The following SLCO4C1 variants were observed in gnomAD, a reference collection of about 807,000 sequenced individuals.
The protein encoded by SLCO4C1 is organic anion transporter M1.
Under a neutral mutation model 72.1 loss-of-function variants are expected in SLCO4C1, and 58 were observed. That is an observed-to-expected ratio of 0.80 (90% CI 0.65 to 1.00). The LOEUF is 1.00. Among genes scored for constraint, SLCO4C1 ranks in the 50% least tolerant of loss-of-function variants. SLCO4C1 has a pLI of 0.00. For synonymous variants in SLCO4C1, 297 were observed against 312.5 expected, an observed-to-expected ratio of 0.95 and a Z score of 0.52; for missense variants, 898 against 857.9, an observed-to-expected ratio of 1.05 and a Z score of -0.58.
chr5:102,288,970 T>C (rs1749503781), intron 2 of SLCO4C1, among the ~76,000 whole-genome samples: 1 of 152,222 alleles, frequency 6.6e-6, no homozygotes, highest in East Asian at 1.9e-4. Context: ...GTTTTACTGG[T>C]GTTATCTCAA....
At chr5:102,244,656 CA>C (rs1748605706) in intron 10 of SLCO4C1, among the ~76,000 whole-genome samples, 1 of 151,982 alleles carries the variant, frequency 6.6e-6, no homozygotes, top group Non-Finnish European at 1.5e-5. Context: ...AGAAAAGAAA[CA>C]AATAACATAC....
At chr5:102,282,815 G>A (rs1270724929) in intron 2 of SLCO4C1, among the ~76,000 whole-genome samples, 1 of 151,990 alleles carries the variant, frequency 6.6e-6, no homozygotes, top group African/African-American at 2.4e-5. Context: ...GTATGAATGT[G>A]TATATACATT....
chr5:102,277,537 C>T (rs1749268785), intron 2 of SLCO4C1, among the ~76,000 whole-genome samples: 1 of 152,102 alleles, frequency 6.6e-6, no homozygotes, highest in Non-Finnish European at 1.5e-5. Flanking sequence ...AGAAGAGTAG[C>T]AAGTCACTTC....
chr5:102,242,028 T>C (rs533974291), intron 10 of SLCO4C1, among the ~76,000 whole-genome samples: 34 of 152,166 alleles, frequency 2.2e-4, no homozygotes, highest in South Asian at 6.2e-4. Context: ...AGAGAATCTC[T>C]TGGGGTGGGG....
In SLCO4C1 at chr5:102,270,803, G is replaced by T; in HGVS notation, c.623C>A (p.Thr208Asn). 1 of 1,503,832 alleles carries T rather than the reference G, an allele frequency of 6.6e-7. No homozygotes were observed. Among genetic ancestry groups the T allele is most frequent in the South Asian group, 1.2e-5 (1 of 80,592 alleles). The allele number at this position is 1,503,832 out of a possible 1,614,324, so 93.2% of individuals were successfully genotyped here. A position where few individuals can be genotyped will look rare whatever the true frequency, so the allele number is the denominator to read the frequency against. ...GGTGCTATTCCTTGTTGTTACACAA[G>T]TGTCTTTGTGGAAAAAAAAATTGTG... is the stretch of plus-strand genomic sequence containing the variant. ...EYKLGSLFED[T>N]CVTTRNSTSC... Residue 208 changes from threonine to asparagine, a missense_variant, in exon 3 of 13, where the codon ACT (threonine) becomes AAT (asparagine). By Grantham distance (65) the Thr-to-Asn change is moderately conservative. Transcript: ENST00000310954.
At chr5:102,263,405 A>T (rs1748977147) in intron 4 of SLCO4C1, among the ~76,000 whole-genome samples, 1 of 152,118 alleles carries the variant, frequency 6.6e-6, no homozygotes, top group South Asian at 2.1e-4. Context: ...TGAACAATGC[A>T]TGGGGTCCTA....
rs183902431 is a variant in SLCO4C1 at position 102,293,117 on chromosome 5, A to G, written c.356-1511T>C. On this transcript the variant is annotated intron_variant, in intron 1 of 12. Coordinates refer to ENST00000310954, the MANE Select transcript of SLCO4C1 (RefSeq NM_180991.5). ...TTTAATAAGTTTCAAAACTCATGAC[A>G]TATTTTTTACTTTTATACCCATTTC... 3.3e-5 allele frequency among the ~76,000 whole-genome samples: 5 copies of G among 152,260 alleles called. No homozygotes were observed. The East Asian group carries it at 5.8e-4, about 18-fold the overall frequency.
Position 102,291,415 on chromosome 5 carries a change from C to CA in SLCO4C1, c.546dup (p.Gly183TrpfsTer18), listed in dbSNP as rs1401163727. ...AATGAGAATACAAGTGCTCCCAGTC[C>CA]AATCATAAAGGCTGCAAATGCAAGC... On this transcript the variant is annotated frameshift_variant, in exon 2 of 13. Coordinates refer to ENST00000310954, the MANE Select transcript of SLCO4C1 (RefSeq NM_180991.5). LOFTEE classifies it high-confidence loss of function. The CA allele has an allele frequency of 1.9e-6, 3 of 1,614,098 alleles. No homozygotes were observed. The highest frequency in any genetic ancestry group is 1.6e-4 in the Middle Eastern group (1 of 6,062).
At chr5:102,257,355 T>C (rs1267655855) in intron 7 of SLCO4C1, 45 bp from the exon 8 acceptor site, 5 of 1,394,134 alleles carry the variant, frequency 3.6e-6, no homozygotes, top group Non-Finnish European at 4.8e-6. Context: ...CATACACATA[T>C]ACTCACTCAT....
chr5:102,282,732 A>G (rs1228735061), intron 2 of SLCO4C1, among the ~76,000 whole-genome samples: 1 of 151,992 alleles, frequency 6.6e-6, no homozygotes, highest in African/African-American at 2.4e-5. Flanking sequence ...TGTTAATAAA[A>G]TTATGTGAGT....
At chr5:102,281,895 T>C (rs992736263) in intron 2 of SLCO4C1, among the ~76,000 whole-genome samples, 2 of 152,100 alleles carry the variant, frequency 1.3e-5, no homozygotes, top group Non-Finnish European at 2.9e-5. Flanking sequence ...CCAGCAGTTT[T>C]ACTCCTGGGC....
At position 102,291,099 on chromosome 5, in the gene SLCO4C1, C is replaced by T. The variant is rs543414038; in HGVS notation, c.619+244G>A. 5.3e-5 allele frequency among the ~76,000 whole-genome samples: 8 copies of T among 152,146 alleles called. No individual in the cohort carries two copies. The East Asian group carries it at 1.3e-3, about 26-fold the overall frequency. On this transcript the variant is annotated intron_variant, in intron 2 of 12. Coordinates refer to ENST00000310954, the MANE Select transcript of SLCO4C1 (RefSeq NM_180991.5). ...ACAAGTCATCTCTTCTTGAGGAGGA[C>T]TGTGTATAATATGGGGAATAAGAAT...
chr5:102,238,537 A>G (rs1748480767), intron 12 of SLCO4C1, among the ~76,000 whole-genome samples: 1 of 152,144 alleles, frequency 6.6e-6, no homozygotes. Flanking sequence ...ATAATAGCCT[A>G]TCTTGATCAA....
intron 1 of SLCO4C1, among the ~76,000 whole-genome samples, chr5:102,294,708 C>G (rs962762780): frequency 1.3e-5 from 2 of 152,142 alleles, no homozygotes; most frequent in African/African-American, 2.4e-5. Context: ...TTCTTCAACA[C>G]AAATCTACCT....
intron 2 of SLCO4C1, among the ~76,000 whole-genome samples, chr5:102,276,211 T>C (rs1262139031): frequency 6.6e-6 from 1 of 152,214 alleles, no homozygotes; most frequent in East Asian, 1.9e-4. Context: ...ACACAGAATA[T>C]CCAACACAGC....
chr5:102,252,458 G>A (rs937558254), intron 8 of SLCO4C1, among the ~76,000 whole-genome samples: 6 of 152,066 alleles, frequency 3.9e-5, no homozygotes, highest in African/African-American at 1.4e-4. Flanking sequence ...TCTTTATCAA[G>A]TATGATGATA....
rs1001134541 is a variant in SLCO4C1 at position 102,234,847 on chromosome 5, C to T, written c.*2011G>A. ...CTCCAATAGGAAGCAGCATTTACAA[C>T]GTGTCTGGCTTGGTGGGAGGAAGAT... On this transcript the variant is annotated 3_prime_UTR_variant, in exon 13 of 13. Coordinates refer to ENST00000310954, the MANE Select transcript of SLCO4C1 (RefSeq NM_180991.5). 6.6e-5 allele frequency: 10 copies of T among 152,120 alleles called. No individual in the cohort carries two copies. Among genetic ancestry groups the T allele is most frequent in the African/African-American group, 1.4e-4 (6 of 41,416 alleles). The allele number at this position is 152,120 out of a possible 1,614,324, so 9.4% of individuals were successfully genotyped here.
At position 102,291,604 on chromosome 5, in the gene SLCO4C1, T is replaced by C; in HGVS notation, c.358A>G (p.Ile120Val). 6.2e-7 allele frequency: 1 copy of C among 1,600,572 alleles called. No homozygotes were observed. The highest frequency in any genetic ancestry group is 1.1e-5 in the South Asian group (1 of 88,768). ...ATATTTACTAGGCCATTAACTACAATACCTAAAAAACAGAAAAGTTGATGT... is the reference window on the plus strand; with the variant it reads ...ATATTTACTAGGCCATTAACTACAACACCTAAAAAACAGAAAAGTTGATGT... ...HYCLLAVTQG[I>V]VVNGLVNISI... The change falls in exon 2 of 13, where the codon ATT (isoleucine) becomes GTT (valine). Residue 120 changes from isoleucine to valine, a missense_variant and splice_region_variant. Physicochemically the swap from Ile to Val is conservative, Grantham distance 29 (BLOSUM62 3). Transcript: ENST00000310954.
In SLCO4C1 at chr5:102,291,479, A is replaced by C; in HGVS notation, c.483T>G (p.Phe161Leu). 6.2e-7 allele frequency: 1 copy of C among 1,614,154 alleles called. No individual in the cohort carries two copies. Among genetic ancestry groups the C allele is most frequent in the Non-Finnish European group, 8.5e-7 (1 of 1,180,022 alleles). Reference sequence around the variant, plus strand: ...GTCCTCTTTCACCAAAGAATGATACAAATAAAGACAACAAACAGAATGAAA... The same window carrying C: ...GTCCTCTTTCACCAAAGAATGATACCAATAAAGACAACAAACAGAATGAAA... The part of the protein sequence containing the change: ...YDISFCLLSL[F>L]VSFFGERGHK... Residue 161 changes from phenylalanine (F) to leucine (L), a missense_variant, in exon 2 of 13, where the codon TTT (phenylalanine) becomes TTG (leucine). By Grantham distance (22) the Phe-to-Leu change is conservative. Transcript: ENST00000310954.
Sources: allele counts gnomAD v4.1 joint callset (sites outside exome capture counted in the v4.1 genomes callset), GRCh38; gene constraint gnomAD v4.1.1; transcripts MANE v1.5; gene names NCBI Gene and HGNC (gene_info 2026-07-23, HGNC 2026-07-21).